The following HINT1 variants were observed in gnomAD, a reference collection of about 807,000 sequenced individuals.
HINT1 encodes histidine triad nucleotide binding protein 1, also known as adenosine 5'-monophosphoramidase HINT1.
HINT1 carries 12 observed loss-of-function variants against 11.2 expected under a neutral mutation model. The ratio of observed to expected loss-of-function variants is 1.07; its 90% CI spans 0.69 to 1.74. The LOEUF (loss-of-function observed/expected upper bound fraction) is 1.74, where lower values mean the gene tolerates loss of function less well. HINT1 is among the 40% of genes most tolerant of loss of function. The probability of loss-of-function intolerance (pLI) is 0.00; values close to 1 mark genes in which losing one functional copy is unlikely to be tolerated. For synonymous variants in HINT1, 42 were observed against 52.6 expected (o/e 0.80, Z 0.87); for missense variants, 150 against 161.8 (o/e 0.93, Z 0.40).
At chr5:131,159,857 CT>C (rs1047647597) in intron 2 of HINT1, among the ~76,000 whole-genome samples, 35 of 149,342 alleles carry the variant, frequency 2.3e-4, no homozygotes, top group Non-Finnish European at 4.0e-4. Flanking sequence ...TTCAATTAAA[CT>C]TTTTTTTTTA....
In HINT1 at chr5:131,165,184, C is replaced by T. The variant is rs757554338; in HGVS notation, c.22G>A (p.Ala8Thr). 3 of 1,609,214 alleles carry T rather than the reference C, an allele frequency of 1.9e-6. No homozygotes were observed. The highest frequency in any genetic ancestry group is 2.7e-5 in the African/African-American group (2 of 74,932). The change falls in exon 1 of 3, where the codon GCT becomes ACT. Residue 8 changes from alanine to threonine, a missense_variant. Ala to Thr is a moderately conservative substitution (Grantham distance 58). Transcript: ENST00000304043. ...TCGCCACCAGGCCGAGCGACCTGAG[C>T]CTTGGCAATCTCATCTGCCATCTCG... MADEIAK[A>T]QVARPGGDTI...
chr5:131,165,015 C>T (rs778441433), intron 1 of HINT1, 80 bp downstream of exon 1: 1 of 1,592,284 alleles, frequency 6.3e-7, no homozygotes, highest in Non-Finnish European at 8.5e-7. Context: ...CGCGACCCCT[C>T]CTCTCCCTCC....
chr5:131,161,512 T>C (rs72803756), intron 2 of HINT1, among the ~76,000 whole-genome samples: 25,474 of 151,418 alleles, frequency 0.17, 2,604 homozygotes, highest in South Asian at 0.22. Flanking sequence ...GGGGAATCGC[T>C]TGTACCCAGG....
intron 1 of HINT1, among the ~76,000 whole-genome samples, chr5:131,163,059 A>G (rs758330858): frequency 1.1e-4 from 16 of 151,406 alleles, no homozygotes; most frequent in Non-Finnish European, 1.9e-4. Context: ...CTGGTCTCGA[A>G]CTCCTGACCT....
At chr5:131,161,421 T>C (rs1025974407) in intron 2 of HINT1, among the ~76,000 whole-genome samples, 38 of 151,952 alleles carry the variant, frequency 2.5e-4, no homozygotes, top group African/African-American at 8.2e-4. Flanking sequence ...CTGACCAACA[T>C]GGAGAAACCC....
At chr5:131,162,404 T>C in intron 2 of HINT1, 168 bp downstream of exon 2, 1 of 1,377,998 alleles carries the variant, frequency 7.3e-7, no homozygotes, top group Middle Eastern at 1.8e-4. Context: ...GGATACAAAA[T>C]GATGCAGTAA....
intron 1 of HINT1, among the ~76,000 whole-genome samples, chr5:131,164,635 G>T (rs1377893211): frequency 1.3e-5 from 2 of 152,210 alleles, no homozygotes; most frequent in Non-Finnish European, 2.9e-5. Context: ...GCCCAGGAAC[G>T]CCGGGCCCTG....
chr5:131,163,881 C>T (rs866663427), intron 1 of HINT1, among the ~76,000 whole-genome samples: 21 of 152,192 alleles, frequency 1.4e-4, no homozygotes, highest in African/African-American at 7.2e-5. Context: ...CTACTGGGTA[C>T]TCCCTACAAA....
At chr5:131,164,098 G>A (rs1755326197) in intron 1 of HINT1, among the ~76,000 whole-genome samples, 1 of 151,410 alleles carries the variant, frequency 6.6e-6, no homozygotes, top group Non-Finnish European at 1.5e-5. Flanking sequence ...TTTTGATAAC[G>A]TTTTGAATCT....
At chr5:131,163,628 A>G (rs543466238) in intron 1 of HINT1, among the ~76,000 whole-genome samples, 3 of 151,902 alleles carry the variant, frequency 2.0e-5, no homozygotes, top group Admixed American at 6.6e-5. Flanking sequence ...TTGTAACTAC[A>G]TATTTGTCTG....
chr5:131,163,592 T>G (rs1755311190), intron 1 of HINT1, among the ~76,000 whole-genome samples: 1 of 152,118 alleles, frequency 6.6e-6, no homozygotes, highest in South Asian at 2.1e-4. Context: ...CTGGTTTTTT[T>G]TTTTTCTTTA....
Position 131,165,229 on chromosome 5 carries a change from G to A in HINT1, c.-24C>T, listed in dbSNP as rs1182518898. On this transcript the variant is annotated 5_prime_UTR_variant, in exon 1 of 3. Coordinates refer to ENST00000304043, the MANE Select transcript of HINT1 (RefSeq NM_005340.7). ...ATCTCGGCCTCTCTCCCGCGCGGCGGCCAGAGGAGAGGCTCGGAAGAAGGG... is the reference window on the plus strand; with the variant it reads ...ATCTCGGCCTCTCTCCCGCGCGGCGACCAGAGGAGAGGCTCGGAAGAAGGG... The A allele has an allele frequency of 1.3e-6, 2 of 1,598,896 alleles. No homozygotes were observed. The highest frequency in any genetic ancestry group is 1.7e-6 in the Non-Finnish European group (2 of 1,177,994).
intron 1 of HINT1, among the ~76,000 whole-genome samples, chr5:131,164,575 C>T (rs1177577927): frequency 6.6e-6 from 1 of 152,216 alleles, no homozygotes; most frequent in East Asian, 1.9e-4. Flanking sequence ...ACGGCCCGCG[C>T]ACCTCCCAGC....
intron 2 of HINT1, 88 bp downstream of exon 2, chr5:131,162,480 TAGGA>T: frequency 6.3e-7 from 1 of 1,576,036 alleles, no homozygotes; most frequent in Non-Finnish European, 8.6e-7. Context: ...GTAATGACCT[TAGGA>T]AGATGAAAAT....
rs1009671023 is a variant in HINT1, at chr5:131,165,099, T to A, written c.107A>T (p.Asp36Val). ...EIPAKIIFEDDRCLAFHDISP... is the reference protein window; with the variant it reads ...EIPAKIIFEDVRCLAFHDISP... ...GAGGTGGTGCCCAGTACCTACCCGG[T>A]CATCCTCAAAAATGATTTTGGCTGG... The change falls in exon 1 of 3, where the codon GAC (aspartate) becomes GTC (valine). Residue 36 changes from aspartate to valine, a missense_variant. Physicochemically the swap from Asp to Val is radical, Grantham distance 152. Transcript: ENST00000304043. The A allele has an allele frequency of 6.2e-7, 1 of 1,613,660 alleles. No individual in the cohort carries two copies.
rs1755372628 is a variant in HINT1 at position 131,165,256 on chromosome 5, G to A, written c.-51C>T. ...CAGAGGAGAGGCTCGGAAGAAGGGA[G>A]GAACCCGCAGAGCGTGCGGCGCGAG... On this transcript the variant is annotated 5_prime_UTR_variant, in exon 1 of 3. Transcript: ENST00000304043. 5 of 1,584,060 alleles carry A rather than the reference G, an allele frequency of 3.2e-6. No homozygotes were observed. The highest frequency in any genetic ancestry group is 4.3e-6 in the Non-Finnish European group (5 of 1,170,130).
At chr5:131,162,727 G>A (rs753183844) in intron 1 of HINT1, 51 bp from the exon 2 acceptor site, 7 of 1,216,698 alleles carry the variant, frequency 5.8e-6, no homozygotes, top group Non-Finnish European at 8.4e-6. Context: ...TATATTGGTA[G>A]GATAAAACTT....
In HINT1 at chr5:131,162,596, A is replaced by G. The variant is rs376264129; in HGVS notation, c.192T>C (p.Ser64=). The part of the protein sequence containing the change: ...VIPKKHISQI[S]VAEDDDESLL... ...CACTTTCATCATCATCTTCTGCCAC[A>G]GAAATCTGGGATATATGTTTCTTGG... Residue 64 remains serine (S), a synonymous_variant, in exon 2 of 3, where the codon TCT becomes TCC. Transcript: ENST00000304043. 9.9e-6 allele frequency: 16 copies of G among 1,612,816 alleles called. No homozygotes were observed. The highest frequency in any genetic ancestry group is 1.4e-5 in the Non-Finnish European group (16 of 1,178,878).
intron 2 of HINT1, among the ~76,000 whole-genome samples, chr5:131,161,778 G>A (rs762338393): frequency 6.6e-6 from 1 of 151,942 alleles, no homozygotes; most frequent in Non-Finnish European, 1.5e-5. Context: ...CTTTAAAAAG[G>A]TATCCCCAAG....
Sources: allele counts gnomAD v4.1 joint callset (sites outside exome capture counted in the v4.1 genomes callset), GRCh38; gene constraint gnomAD v4.1.1; transcripts MANE v1.5; gene names NCBI Gene and HGNC (gene_info 2026-07-23, HGNC 2026-07-21).